Variants in LY75 observed in about 807,000 individuals in gnomAD.
The protein encoded by LY75 is C-type lectin domain family 13 member B.
A neutral mutation model predicts 231.7 loss-of-function variants in LY75; 185 were observed. The ratio of observed to expected loss-of-function variants is 0.80; its 90% CI spans 0.71 to 0.90. The LOEUF is 0.90. LY75 is among the 40% of genes least tolerant of loss of function. The probability of loss-of-function intolerance (pLI) is 0.00; values close to 1 mark genes in which losing one functional copy is unlikely to be tolerated. For missense variants in LY75, 1,947 were observed against 2,050.2 expected (o/e 0.95, Z 0.97); for synonymous variants, 668 against 689.0 (o/e 0.97, Z 0.48).
chr2:159,904,515 C>T, intron 1 of LY75, 74 bp downstream of exon 1: 1 of 1,425,406 alleles, frequency 7.0e-7, no homozygotes, highest in South Asian at 1.4e-5. Context: ...GCAGCCCTGC[C>T]CCAGGCTGGA....
In LY75 at chr2:159,817,034, TATA is replaced by T; in HGVS notation, c.4154-5_4154-3del. 1 of 1,587,264 alleles carries T rather than the reference TATA, an allele frequency of 6.3e-7. No individual in the cohort carries two copies. The highest frequency in any genetic ancestry group is 8.6e-7 in the Non-Finnish European group (1 of 1,165,312). ...TATTATATTCTTCTTTGTAGTCAAC[TATA>T]ATAATTAAAAGCACTGGTGATTAAA... On this transcript the variant is annotated splice_region_variant and splice_polypyrimidine_tract_variant and intron_variant, in intron 29 of 34. Transcript: ENST00000263636.
chr2:159,817,997 T>C (rs2125832112), intron 29 of LY75, among the ~76,000 whole-genome samples: 1 of 152,052 alleles, frequency 6.6e-6, no homozygotes. Context: ...TGCAGTGAGC[T>C]GAGATGGCGC....
intron 31 of LY75, among the ~76,000 whole-genome samples, chr2:159,813,539 C>G (rs946809172): frequency 6.6e-6 from 1 of 151,978 alleles, no homozygotes; most frequent in Non-Finnish European, 1.5e-5. Context: ...TCGTGCCTCC[C>G]TCTCATCTTC....
At chr2:159,857,260 T>G (rs1684575024) in intron 16 of LY75, among the ~76,000 whole-genome samples, 1 of 152,218 alleles carries the variant, frequency 6.6e-6, no homozygotes, top group Non-Finnish European at 1.5e-5. Context: ...TCTGAAGCTC[T>G]TTTAACTATT....
rs372509596 is a variant in LY75, at chr2:159,807,138, G to T, written c.4825C>A (p.Gln1609Lys). The T allele has an allele frequency of 1.2e-6, 2 of 1,605,310 alleles. No homozygotes were observed. Among genetic ancestry groups the T allele is most frequent in the Non-Finnish European group, 1.7e-6 (2 of 1,176,150 alleles). Reference sequence around the variant, plus strand: ...GATCCATCTAACCAACTCCAAGACTGGTCTGAAGAAAGAAATTAAATACAA... The same window carrying T: ...GATCCATCTAACCAACTCCAAGACTTGTCTGAAGAAAGAAATTAAATACAA... ...WLGLSQHSVDQSWSWLDGSEV... is the reference protein window; with the variant it reads ...WLGLSQHSVDKSWSWLDGSEV... Residue 1609 changes from glutamine (Q) to lysine (K), a missense_variant and splice_region_variant, in exon 34 of 35, where the codon CAG (glutamine) becomes AAG (lysine). Physicochemically the swap from Gln to Lys is moderately conservative, Grantham distance 53. Transcript: ENST00000263636.
Position 159,858,486 on chromosome 2 carries a change from G to A in LY75, c.2269-10C>T. Reference sequence around the variant, plus strand: ...ATGGCCTATGAAATACCTATAAGAGGAAAAGTATTGCAGAATATTTTGAAG... The same window carrying A: ...ATGGCCTATGAAATACCTATAAGAGAAAAAGTATTGCAGAATATTTTGAAG... On this transcript the variant is annotated splice_polypyrimidine_tract_variant and intron_variant, in intron 15 of 34. Transcript: ENST00000263636. The A allele has an allele frequency of 6.2e-7, 1 of 1,603,902 alleles. No homozygotes were observed. The highest frequency in any genetic ancestry group is 1.1e-5 in the South Asian group (1 of 89,564).
intron 14 of LY75, among the ~76,000 whole-genome samples, chr2:159,861,743 C>A (rs1684707474): frequency 1.3e-5 from 2 of 152,092 alleles, no homozygotes; most frequent in Admixed American, 1.3e-4. Flanking sequence ...GTCATCCCCA[C>A]CTAGTCCCCC....
At position 159,857,607 on chromosome 2, in the gene LY75, T is replaced by G. The variant is rs556197534; in HGVS notation, c.2383+755A>C. Among the ~76,000 whole-genome samples the G allele has an allele frequency of 1.1e-3, 174 of 152,166 alleles. No homozygotes were observed. In the Middle Eastern group the frequency reaches 0.051, roughly 45 times the overall value. On this transcript the variant is annotated intron_variant, in intron 16 of 34. Coordinates refer to ENST00000263636, the MANE Select transcript of LY75 (RefSeq NM_002349.4). The stretch of plus-strand genomic sequence containing the variant: ...AAATACAAAAATTGGCTAGGTGCGG[T>G]AGTGGGTGCCTGTAGTCCCAGCTAC...
At chr2:159,839,350 C>T (rs1161579394) in intron 25 of LY75, among the ~76,000 whole-genome samples, 1 of 152,086 alleles carries the variant, frequency 6.6e-6, no homozygotes, top group South Asian at 2.1e-4. Context: ...TTTAAAAATC[C>T]CTTATTTAAT....
intron 31 of LY75, among the ~76,000 whole-genome samples, chr2:159,811,035 T>G (rs779049201): frequency 5.9e-5 from 9 of 152,162 alleles, no homozygotes; most frequent in Non-Finnish European, 1.2e-4. Context: ...TTCCTTTTTT[T>G]GTTTATTATT....
At chr2:159,845,215 A>C (rs1222685949) in intron 23 of LY75, among the ~76,000 whole-genome samples, 3 of 152,212 alleles carry the variant, frequency 2.0e-5, no homozygotes. Flanking sequence ...CAATTCTCCC[A>C]AACATGTAGT....
intron 14 of LY75, among the ~76,000 whole-genome samples, chr2:159,864,453 C>T (rs1037842274): frequency 2.6e-5 from 4 of 152,126 alleles, no homozygotes; most frequent in Non-Finnish European, 4.4e-5. Context: ...CATTTTTCTG[C>T]ATGTGGAAAT....
chr2:159,852,418 T>TTTG, intron 20 of LY75, 78 bp from the exon 21 acceptor site: 1 of 1,449,226 alleles, frequency 6.9e-7, no homozygotes. Context: ...GTGTGTTTTT[T>TTTG]TTTGTTTTTT....
intron 31 of LY75, among the ~76,000 whole-genome samples, chr2:159,811,389 C>G (rs1018709530): frequency 2.6e-5 from 4 of 151,768 alleles, no homozygotes; most frequent in Non-Finnish European, 5.9e-5. Context: ...TGCTGAGTAA[C>G]AGAAGCAGCC....
intron 28 of LY75, among the ~76,000 whole-genome samples, chr2:159,822,020 G>C (rs1189675112): frequency 6.6e-6 from 1 of 152,200 alleles, no homozygotes; most frequent in Non-Finnish European, 1.5e-5. Context: ...CTTGTCCCAG[G>C]GTCTTTGCAA....
At chr2:159,875,132 T>A (rs967645767) in intron 12 of LY75, among the ~76,000 whole-genome samples, 65 of 151,118 alleles carry the variant, frequency 4.3e-4, no homozygotes, top group Admixed American at 3.3e-4. Flanking sequence ...CAACAAGAAT[T>A]AGAGGAATAT....
At position 159,805,121 on chromosome 2, in the gene LY75, G is replaced by A; in HGVS notation, c.5092C>T (p.Leu1698=). ...WFLFQRHRLH[L]AGFSSVRYAQ... is the part of the protein sequence containing the mutation. ...TATCGAACTGATGAGAAACCCGCCA[G>A]GTGCAAACGGTGCCTTTGGAAGAGG... The change falls in exon 35 of 35, where the codon CTG becomes TTG. Residue 1698 remains leucine, a synonymous_variant. Coordinates refer to ENST00000263636, the MANE Select transcript of LY75 (RefSeq NM_002349.4). 6.2e-7 allele frequency: 1 copy of A among 1,614,082 alleles called. No homozygotes were observed. The highest frequency in any genetic ancestry group is 8.5e-7 in the Non-Finnish European group (1 of 1,179,952).
intron 23 of LY75, among the ~76,000 whole-genome samples, chr2:159,846,218 A>G (rs7593073): frequency 0.83 from 121,803 of 146,958 alleles, 49,923 homozygotes; most frequent in Admixed American, 0.89. Context: ...CAGAAAGGGG[A>G]AAAAAAAAAC....
intron 28 of LY75, among the ~76,000 whole-genome samples, chr2:159,820,873 T>C (rs1339784851): frequency 6.6e-6 from 1 of 152,168 alleles, no homozygotes; most frequent in Non-Finnish European, 1.5e-5. Flanking sequence ...ACAGTCTCAC[T>C]CTGTCACCCA....
Sources: allele counts gnomAD v4.1 joint callset (sites outside exome capture counted in the v4.1 genomes callset), GRCh38; gene constraint gnomAD v4.1.1; transcripts MANE v1.5; gene names NCBI Gene and HGNC (gene_info 2026-07-23, HGNC 2026-07-21).